Variants in NMNAT1 observed in about 807,000 individuals in gnomAD.
NMNAT1 encodes nicotinamide nucleotide adenylyltransferase 1.
Under a neutral mutation model 16.7 loss-of-function variants are expected in NMNAT1, and 11 were observed. The observed-to-expected ratio is 0.66, with a 90% CI of 0.41 to 1.09. NMNAT1 has a LOEUF of 1.09. NMNAT1 is among the 50% of genes least tolerant of loss of function. NMNAT1 has a pLI of 0.00. For missense variants in NMNAT1, 280 were observed against 332.3 expected (o/e 0.84, Z 1.22); for synonymous variants, 110 against 119.8 (o/e 0.92, Z 0.53).
At chr1:9,944,143 A>G (rs1388375394) in intron 1 of NMNAT1, among the ~76,000 whole-genome samples, 4 of 151,866 alleles carry the variant, frequency 2.6e-5, no homozygotes, top group Non-Finnish European at 5.9e-5. Flanking sequence ...AATCTCAGCT[A>G]CTCGGGAGGC....
intron 1 of NMNAT1, chr1:9,951,233 G>A (rs985283872): frequency 2.0e-5 from 3 of 152,164 alleles, no homozygotes; most frequent in Non-Finnish European, 4.4e-5. Flanking sequence ...TTGCTTACCT[G>A]TAGAAGTTAA....
intron 1 of NMNAT1, among the ~76,000 whole-genome samples, chr1:9,967,106 C>A (rs888142647): frequency 4.6e-5 from 7 of 151,950 alleles, no homozygotes; most frequent in African/African-American, 1.7e-4. Flanking sequence ...CATCTATAAT[C>A]CCAGCTACTC....
intron 1 of NMNAT1, among the ~76,000 whole-genome samples, chr1:9,951,493 G>A (rs1641110127): frequency 9.4e-6 from 1 of 106,706 alleles, no homozygotes; most frequent in Non-Finnish European, 2.2e-5. Context: ...TGTTTGTTTT[G>A]AGGCAAGATG....
intron 1 of NMNAT1, among the ~76,000 whole-genome samples, chr1:9,968,450 T>C (rs550939631): frequency 6.6e-6 from 1 of 150,796 alleles, no homozygotes; most frequent in African/African-American, 2.4e-5. Flanking sequence ...GTAGTATTAT[T>C]TTCTCCTTTT....
intron 1 of NMNAT1, among the ~76,000 whole-genome samples, chr1:9,970,735 C>T (rs1448597686): frequency 1.3e-5 from 2 of 151,512 alleles, no homozygotes; most frequent in Non-Finnish European, 2.9e-5. Flanking sequence ...AATTGGATGC[C>T]TTATGTTACT....
chr1:9,953,551 C>T lies in NMNAT1; in HGVS notation c.-57+10036C>T, dbSNP rs1361818572. On this transcript the variant is annotated intron_variant, in intron 1 of 4. Transcript: ENST00000377205. ...TGCCTCCCGGGTTCAAGTGATTCTCCTGCCTCAGCCTCCCAAGTAGCTGGG... is the reference window on the plus strand; with the variant it reads ...TGCCTCCCGGGTTCAAGTGATTCTCTTGCCTCAGCCTCCCAAGTAGCTGGG... Among the ~76,000 whole-genome samples, 4 of 152,014 alleles carry T rather than the reference C, an allele frequency of 2.6e-5. No individual in the cohort carries two copies. The East Asian group carries it at 7.7e-4, about 29-fold the overall frequency.
chr1:9,972,201 A>G lies in NMNAT1; in HGVS notation c.115+13A>G. The G allele has an allele frequency of 6.8e-7, 1 of 1,469,912 alleles. No homozygotes were observed. The highest frequency in any genetic ancestry group is 9.5e-7 in the Non-Finnish European group (1 of 1,050,586). The allele number at this position is 1,469,912 out of a possible 1,614,324, so 91.1% of individuals were successfully genotyped here. On this transcript the variant is annotated intron_variant, in intron 2 of 4. Coordinates refer to ENST00000377205, the MANE Select transcript of NMNAT1 (RefSeq NM_022787.4). ...ATGAATGGAACAGGTAGGAGCAGTA[A>G]CCAAAAGTGGCTTAAGACTAGAGAA...
At position 9,984,505 on chromosome 1, in the gene NMNAT1, T is replaced by G. The variant is rs1213769926; in HGVS notation, c.*1804T>G. 3.3e-5 allele frequency: 5 copies of G among 152,172 alleles called. No individual in the cohort carries two copies. Among genetic ancestry groups the G allele is most frequent in the Non-Finnish European group, 4.4e-5 (3 of 68,040 alleles). 9.4% of individuals were successfully genotyped at this position (152,172 alleles called of 1,614,324 possible). A position where few individuals can be genotyped will look rare whatever the true frequency, so the allele number is the denominator to read the frequency against. ...GTGTCCTCAAGGACAGAACTTCCAC[T>G]TTGAATAATGGAAGTTAGAACAATG... On this transcript the variant is annotated 3_prime_UTR_variant, in exon 5 of 5. Coordinates refer to ENST00000377205, the MANE Select transcript of NMNAT1 (RefSeq NM_022787.4).
the NMNAT1 span, among the ~76,000 whole-genome samples, chr1:9,996,288 G>A: frequency 6.8e-6 from 1 of 146,186 alleles, no homozygotes; most frequent in South Asian, 2.2e-4. Flanking sequence ...TCCAGCCTGG[G>A]CACAGAGCGA....
chr1:9,965,334 AG>A (rs1189654024), intron 1 of NMNAT1, among the ~76,000 whole-genome samples: 4 of 151,208 alleles, frequency 2.6e-5, no homozygotes, highest in Non-Finnish European at 5.9e-5. Context: ...AAAAAAAAAA[AG>A]ATCTCAGAAT....
intron 2 of NMNAT1, 77 bp from the exon 3 acceptor site, chr1:9,975,515 A>G: frequency 1.7e-6 from 2 of 1,197,506 alleles, no homozygotes; most frequent in Non-Finnish European, 2.4e-6. Context: ...AACAAAACAA[A>G]TAATATTGAT....
chr1:9,962,772 C>A (rs1336983418), intron 1 of NMNAT1, among the ~76,000 whole-genome samples: 1 of 148,080 alleles, frequency 6.8e-6, no homozygotes, highest in Non-Finnish European at 1.5e-5. Flanking sequence ...AGCTCCGCCT[C>A]CCGGGTTCAC....
the NMNAT1 span, among the ~76,000 whole-genome samples, chr1:9,993,068 T>G: frequency 2.6e-5 from 4 of 152,012 alleles, no homozygotes; most frequent in Non-Finnish European, 4.4e-5. Flanking sequence ...GTGATGTGAT[T>G]AGAGGAACTG....
At chr1:9,952,063 C>T (rs549058873) in intron 1 of NMNAT1, among the ~76,000 whole-genome samples, 36 of 152,150 alleles carry the variant, frequency 2.4e-4, no homozygotes, top group Non-Finnish European at 4.6e-4. Context: ...CTTTGGGAGG[C>T]CGAGGTGGGT....
the NMNAT1 span, among the ~76,000 whole-genome samples, chr1:9,991,712 C>G: frequency 1.3e-5 from 2 of 150,952 alleles, no homozygotes; most frequent in African/African-American, 4.9e-5. Flanking sequence ...AAAAGGCAGT[C>G]AATAAAAAAG....
At position 9,982,728 on chromosome 1, in the gene NMNAT1, T is replaced by A; in HGVS notation, c.*27T>A. The A allele has an allele frequency of 6.4e-7, 1 of 1,555,024 alleles. No homozygotes were observed. Among genetic ancestry groups the A allele is most frequent in the Non-Finnish European group, 8.7e-7 (1 of 1,150,380 alleles). ...AATTCTACAGCATGATATTTCAGAC[T>A]TCCCATTTGGGGATCTGAAACAATC... is the stretch of plus-strand genomic sequence containing the variant. On this transcript the variant is annotated 3_prime_UTR_variant, in exon 5 of 5. Coordinates refer to ENST00000377205, the MANE Select transcript of NMNAT1 (RefSeq NM_022787.4).
intron 1 of NMNAT1, among the ~76,000 whole-genome samples, chr1:9,946,713 T>G (rs893598604): frequency 6.6e-6 from 1 of 152,116 alleles, no homozygotes; most frequent in Non-Finnish European, 1.5e-5. Flanking sequence ...TAATTAAGGT[T>G]AAATGAGGTC....
chr1:9,953,332 A>C lies in NMNAT1; in HGVS notation c.-57+9817A>C, dbSNP rs548893705. Among the ~76,000 whole-genome samples the C allele has an allele frequency of 9.5e-4, 142 of 148,724 alleles. 1 individual carries two copies. Among genetic ancestry groups the C allele is most frequent in the Admixed American group, 5.1e-3 (75 of 14,762 alleles). ...TTGCTCTGTTGCCAGGCTGGAGTAC[A>C]GTGGCGCCATCTCAGCTCACTGCAT... is the stretch of plus-strand genomic sequence containing the variant. On this transcript the variant is annotated intron_variant, in intron 1 of 4. Transcript: ENST00000377205.
intron 1 of NMNAT1, among the ~76,000 whole-genome samples, chr1:9,958,835 A>G (rs1156667313): frequency 1.3e-5 from 2 of 152,220 alleles, no homozygotes; most frequent in Admixed American, 6.5e-5. Flanking sequence ...TAAGTTATCA[A>G]TATTCATAAT....
Sources: allele counts gnomAD v4.1 joint callset (sites outside exome capture counted in the v4.1 genomes callset), GRCh38; gene constraint gnomAD v4.1.1; transcripts MANE v1.5; gene names NCBI Gene and HGNC (gene_info 2026-07-23, HGNC 2026-07-21).